The following GTF2F2 variants were observed in gnomAD, a reference collection of about 807,000 sequenced individuals.
The protein encoded by GTF2F2 is ATP-dependent helicase GTF2F2.
A neutral mutation model predicts 42.2 loss-of-function variants in GTF2F2; 23 were observed. The ratio of observed to expected loss-of-function variants is 0.55; its 90% confidence interval spans 0.39 to 0.77. GTF2F2 has a LOEUF of 0.77. GTF2F2 is among the 30% of genes least tolerant of loss of function. The pLI is 0.00. For missense variants in GTF2F2, 261 were observed against 287.2 expected (o/e 0.91, Z 0.66); for synonymous variants, 105 against 100.8 (o/e 1.04, Z -0.25).
At chr13:45,191,224 A>AAAAAAAAATATATATATATAT in intron 4 of GTF2F2, among the ~76,000 whole-genome samples, 10 of 75,308 alleles carry the variant, frequency 1.3e-4, no homozygotes, top group African/African-American at 6.0e-4. Flanking sequence ...ACAAAAAAAA[A>AAAAAAAAATATATATATATAT]ATATATATAT....
In GTF2F2 at chr13:45,191,852, CTT is replaced by C. The variant is rs761799153; in HGVS notation, c.305-15570_305-15569del. 1.1e-4 allele frequency among the ~76,000 whole-genome samples: 17 copies of C among 152,086 alleles called. 1 individual carries two copies. The highest frequency in any genetic ancestry group is 4.1e-4 in the South Asian group (2 of 4,826). ...TTTTAATGGTTTCTATCAATAATAA[CTT>C]TGTTAAGATAGTTAAATTCTCCTCT... is the stretch of plus-strand genomic sequence containing the variant. On this transcript the variant is annotated intron_variant, in intron 4 of 7. Transcript: ENST00000340473.
At chr13:45,182,818 T>C (rs1304577750) in intron 4 of GTF2F2, among the ~76,000 whole-genome samples, 3 of 152,150 alleles carry the variant, frequency 2.0e-5, no homozygotes, top group Non-Finnish European at 2.9e-5. Flanking sequence ...GAGGCTTCTT[T>C]CCTGGTTATC....
rs571401654 is a variant in GTF2F2, at chr13:45,157,633, C to G, written c.304+5802C>G. Among the ~76,000 whole-genome samples, 7 of 152,130 alleles carry G rather than the reference C, an allele frequency of 4.6e-5. No individual in the cohort carries two copies. In the South Asian group the frequency reaches 1.2e-3, roughly 27 times the overall value. On this transcript the variant is annotated intron_variant, in intron 4 of 7. Transcript: ENST00000340473. Reference sequence around the variant, plus strand: ...TGTTAACAGACAGTCCACTTGGATTCTTTTTTTGGTGGGGAGAGATGGGTC... The same window carrying G: ...TGTTAACAGACAGTCCACTTGGATTGTTTTTTTGGTGGGGAGAGATGGGTC...
intron 4 of GTF2F2, among the ~76,000 whole-genome samples, chr13:45,187,253 A>C (rs1166915893): frequency 1.3e-5 from 2 of 152,098 alleles, no homozygotes; most frequent in Admixed American, 1.3e-4. Flanking sequence ...TTAAATTTAT[A>C]TTTTAAAAAT....
Position 45,283,533 on chromosome 13 carries a change from A to C in GTF2F2, c.722A>C (p.His241Pro). Residue 241 changes from histidine to proline, a missense_variant, in exon 8 of 8, where the codon CAC becomes CCC. Coordinates refer to ENST00000340473, the MANE Select transcript of GTF2F2 (RefSeq NM_004128.3). ...TGGGAGCTGAAGCCAGAGTACAGAC[A>C]CTATCAAGGAGAAGAAAAGAGTGAC... ...NTWELKPEYRHYQGEEKSD is the reference protein window; with the variant it reads ...NTWELKPEYRPYQGEEKSD 6.2e-7 allele frequency: 1 copy of C among 1,612,464 alleles called. No individual in the cohort carries two copies. Among genetic ancestry groups the C allele is most frequent in the Non-Finnish European group, 8.5e-7 (1 of 1,179,130 alleles).
At chr13:45,248,347 G>A (rs1269730235) in intron 5 of GTF2F2, among the ~76,000 whole-genome samples, 1 of 152,104 alleles carries the variant, frequency 6.6e-6, no homozygotes, top group East Asian at 1.9e-4. Flanking sequence ...AGAAGGCATG[G>A]TTAGTCCTGG....
chr13:45,205,107 G>C (rs1873359477), intron 4 of GTF2F2, among the ~76,000 whole-genome samples: 1 of 152,122 alleles, frequency 6.6e-6, no homozygotes, highest in South Asian at 2.1e-4. Context: ...CTTAGTAAAA[G>C]GTAGCTATAT....
rs547407682 is a variant in GTF2F2 at position 45,229,172 on chromosome 13, C to T, written c.386+21667C>T. Among the ~76,000 whole-genome samples the T allele has an allele frequency of 4.6e-5, 7 of 152,280 alleles. No individual in the cohort carries two copies. In the East Asian group the frequency reaches 9.7e-4, roughly 21 times the overall value. On this transcript the variant is annotated intron_variant, in intron 5 of 7. Transcript: ENST00000340473. ...TGCCGGGATTACAGGAATGAGCCACCGCACCTGGCTCTTCCCTTCCCCTCC... is the reference window on the plus strand; with the variant it reads ...TGCCGGGATTACAGGAATGAGCCACTGCACCTGGCTCTTCCCTTCCCCTCC...
intron 4 of GTF2F2, among the ~76,000 whole-genome samples, chr13:45,171,704 G>GTTTAGA (rs1337745708): frequency 6.6e-6 from 1 of 152,032 alleles, no homozygotes; most frequent in Non-Finnish European, 1.5e-5. Context: ...ATCACCACAG[G>GTTTAGA]TTTAGATTTT....
At chr13:45,130,937 C>T (rs978758153) in intron 1 of GTF2F2, among the ~76,000 whole-genome samples, 1 of 152,090 alleles carries the variant, frequency 6.6e-6, no homozygotes, top group Non-Finnish European at 1.5e-5. Flanking sequence ...AGCCACGAGA[C>T]TGGATGAAGT....
intron 4 of GTF2F2, among the ~76,000 whole-genome samples, chr13:45,178,120 T>C (rs1041606058): frequency 6.6e-6 from 1 of 152,166 alleles, no homozygotes; most frequent in Admixed American, 6.5e-5. Context: ...ATGTTACTTC[T>C]ATTTTTTTTC....
chr13:45,237,205 A>T (rs1046639806), intron 5 of GTF2F2, among the ~76,000 whole-genome samples: 2 of 152,164 alleles, frequency 1.3e-5, no homozygotes, highest in African/African-American at 4.8e-5. Context: ...ATTATAATTG[A>T]TTATAATTAG....
chr13:45,224,855 C>A (rs1874263288), intron 5 of GTF2F2, among the ~76,000 whole-genome samples: 1 of 152,188 alleles, frequency 6.6e-6, no homozygotes, highest in Admixed American at 6.5e-5. Flanking sequence ...TCAAGATATT[C>A]TGCAGTCAAT....
At chr13:45,224,386 G>C (rs1453522993) in intron 5 of GTF2F2, among the ~76,000 whole-genome samples, 1 of 152,196 alleles carries the variant, frequency 6.6e-6, no homozygotes, top group African/African-American at 2.4e-5. Flanking sequence ...AGACTGAATA[G>C]ACTCTGAGTG....
At chr13:45,239,745 A>G (rs1284251707) in intron 5 of GTF2F2, among the ~76,000 whole-genome samples, 10 of 152,270 alleles carry the variant, frequency 6.6e-5, no homozygotes, top group Non-Finnish European at 1.0e-4. Context: ...TAGTGTGGAC[A>G]TTATATATTT....
At chr13:45,171,312 G>A (rs988990779) in intron 4 of GTF2F2, among the ~76,000 whole-genome samples, 6 of 151,824 alleles carry the variant, frequency 4.0e-5, no homozygotes, top group Admixed American at 1.3e-4. Context: ...TTGGTGATCC[G>A]CCCACCTTGG....
chr13:45,183,101 C>T (rs1217961175), intron 4 of GTF2F2, among the ~76,000 whole-genome samples: 1 of 152,006 alleles, frequency 6.6e-6, no homozygotes, highest in Non-Finnish European at 1.5e-5. Context: ...GGATCTGGTC[C>T]GAAGGCATTA....
chr13:45,253,350 A>G (rs1319785272), intron 6 of GTF2F2, among the ~76,000 whole-genome samples: 1 of 152,178 alleles, frequency 6.6e-6, no homozygotes, highest in South Asian at 2.1e-4. Context: ...GATGAACCAT[A>G]AGAAAGTTTT....
chr13:45,196,125 A>T, intron 4 of GTF2F2, among the ~76,000 whole-genome samples: 1 of 152,348 alleles, frequency 6.6e-6, no homozygotes. Context: ...TTATATTCTT[A>T]TAGTGATCTT....
Sources: gnomAD v4.1 joint callset for allele counts (sites outside exome capture counted in the v4.1 genomes callset) on GRCh38, gnomAD v4.1.1 for gene constraint, MANE v1.5 for transcripts, NCBI Gene and HGNC (gene_info 2026-07-23, HGNC 2026-07-21) for gene names.